The following SFXN1 variants were observed in gnomAD, a reference collection of about 807,000 sequenced individuals.
SFXN1 encodes the protein sideroflexin-1.
In SFXN1, 32 loss-of-function variants were observed where a neutral mutation model predicts 39.5. The ratio of observed to expected loss-of-function variants is 0.81; its 90% CI spans 0.61 to 1.09. SFXN1 has a LOEUF of 1.09. SFXN1 is among the 50% of genes least tolerant of loss of function. SFXN1 has a pLI of 0.00. For synonymous variants in SFXN1, 136 were observed against 146.5 expected (o/e 0.93, Z 0.52); for missense variants, 402 against 407.1 (o/e 0.99, Z 0.11).
chr5:175,508,144 G>A (rs1263249075), intron 2 of SFXN1, among the ~76,000 whole-genome samples: 1 of 150,316 alleles, frequency 6.7e-6, no homozygotes, highest in African/African-American at 2.5e-5. Context: ...TTTCAAAATT[G>A]AATGCTTTCC....
chr5:175,506,186 C>G (rs530412991), intron 2 of SFXN1, among the ~76,000 whole-genome samples: 1 of 152,298 alleles, frequency 6.6e-6, no homozygotes, highest in South Asian at 2.1e-4. Flanking sequence ...AACAACTATT[C>G]TGAGAATGCT....
intron 4 of SFXN1, among the ~76,000 whole-genome samples, chr5:175,511,043 G>A (rs1479905810): frequency 3.9e-5 from 6 of 152,146 alleles, no homozygotes; most frequent in East Asian, 1.9e-4. Flanking sequence ...TTTGCTTTCA[G>A]TGTGTATATT....
At position 175,492,088 on chromosome 5, in the gene SFXN1, T is replaced by C. The variant is rs1284063357; in HGVS notation, c.-9-7T>C. On this transcript the variant is annotated splice_region_variant and splice_polypyrimidine_tract_variant and intron_variant, in intron 1 of 10. Coordinates refer to ENST00000321442, the MANE Select transcript of SFXN1 (RefSeq NM_022754.7). ...TTACACGAACTTGCCTTTTTGACTC[T>C]TTGCAGTCCGGGACCATGTCTGGAG... 1 of 1,597,858 alleles carries C rather than the reference T, an allele frequency of 6.3e-7. No homozygotes were observed. The highest frequency in any genetic ancestry group is 8.5e-7 in the Non-Finnish European group (1 of 1,173,944).
In SFXN1 at chr5:175,521,838, G is replaced by C. The variant is rs1243638697; in HGVS notation, c.775-81G>C. 3.6e-6 allele frequency: 4 copies of C among 1,100,946 alleles called. No individual in the cohort carries two copies. In the East Asian group the frequency reaches 9.7e-5, roughly 27 times the overall value. 68.2% of individuals were successfully genotyped at this position (1,100,946 alleles called of 1,614,324 possible). Reference sequence around the variant, plus strand: ...ATCTGAATCTTGAAATGTGGTGAGAGGTTCCTTCCAGTTAATCAGAAGATA... The same window carrying C: ...ATCTGAATCTTGAAATGTGGTGAGACGTTCCTTCCAGTTAATCAGAAGATA... On this transcript the variant is annotated intron_variant, in intron 8 of 10. Coordinates refer to ENST00000321442, the MANE Select transcript of SFXN1 (RefSeq NM_022754.7).
At position 175,527,222 on chromosome 5, in the gene SFXN1, T is replaced by C. The variant is rs1761095021; in HGVS notation, c.*488T>C. On this transcript the variant is annotated 3_prime_UTR_variant, in exon 11 of 11. Transcript: ENST00000321442. ...TCTATAAAAACTTACCCTGAAATAT[T>C]AAGGGCAGTTTGCTTCTAGTTTGGG... 6.5e-6 allele frequency: 1 copy of C among 153,982 alleles called. No individual in the cohort carries two copies. Among genetic ancestry groups the C allele is most frequent in the Non-Finnish European group, 1.4e-5 (1 of 69,210 alleles). The allele number at this position is 153,982 out of a possible 1,614,324, so 9.5% of individuals were successfully genotyped here.
rs566224473 is a variant in SFXN1, at chr5:175,503,396, C to T, written c.165-5636C>T. Among the ~76,000 whole-genome samples, 3 of 152,178 alleles carry T rather than the reference C, an allele frequency of 2.0e-5. No homozygotes were observed. In the South Asian group the frequency reaches 6.2e-4, roughly 32 times the overall value. ...AATGCAAAAATCCAAAGTAAAACAC[C>T]AACACATAGCATCCAACCTTGTGTT... On this transcript the variant is annotated intron_variant, in intron 2 of 10. Coordinates refer to ENST00000321442, the MANE Select transcript of SFXN1 (RefSeq NM_022754.7).
chr5:175,522,127 T>C (rs1425583961), intron 9 of SFXN1, among the ~76,000 whole-genome samples, 159 bp downstream of exon 9: 2 of 152,202 alleles, frequency 1.3e-5, no homozygotes, highest in Non-Finnish European at 2.9e-5. Context: ...AAGTAAACTG[T>C]CTTTAGAGAA....
At chr5:175,503,213 T>C (rs1415490404) in intron 2 of SFXN1, among the ~76,000 whole-genome samples, 1 of 152,210 alleles carries the variant, frequency 6.6e-6, no homozygotes, top group Non-Finnish European at 1.5e-5. Flanking sequence ...TGGATGACTT[T>C]TATGGTATTT....
chr5:175,494,226 T>A (rs553012441), intron 2 of SFXN1, among the ~76,000 whole-genome samples: 85 of 152,294 alleles, frequency 5.6e-4, no homozygotes, highest in African/African-American at 2.0e-3. Flanking sequence ...ACATGGCAAT[T>A]TTTTTCCTTT....
intron 1 of SFXN1, among the ~76,000 whole-genome samples, chr5:175,480,350 G>A (rs540282753): frequency 6.6e-6 from 1 of 152,052 alleles, no homozygotes; most frequent in East Asian, 1.9e-4. Context: ...GCAGTGAGCC[G>A]AGATCGCGCC....
intron 2 of SFXN1, among the ~76,000 whole-genome samples, chr5:175,496,506 C>G (rs1046688937): frequency 6.6e-6 from 1 of 152,076 alleles, no homozygotes; most frequent in Non-Finnish European, 1.5e-5. Context: ...TGATTTTGCT[C>G]CTTACTATAT....
chr5:175,513,693 A>C, intron 7 of SFXN1, 103 bp downstream of exon 7: 4 of 1,280,742 alleles, frequency 3.1e-6, no homozygotes, highest in Non-Finnish European at 4.4e-6. Flanking sequence ...CTTAGTGGAA[A>C]TTGCCTTCCA....
At chr5:175,488,046 G>C (rs1282049348) in intron 1 of SFXN1, among the ~76,000 whole-genome samples, 1 of 152,122 alleles carries the variant, frequency 6.6e-6, no homozygotes, top group Non-Finnish European at 1.5e-5. Context: ...TCTCCCCACT[G>C]TCTGTTCTCC....
intron 10 of SFXN1, 22 bp from the exon 11 acceptor site, chr5:175,526,615 CT>C (rs1441498683): frequency 1.9e-6 from 3 of 1,601,100 alleles, no homozygotes; most frequent in Non-Finnish European, 2.6e-6. Flanking sequence ...TGTAATAACC[CT>C]GTCATTTCTC....
rs762615317 is a variant in SFXN1 at position 175,510,091 on chromosome 5, C to A, written c.336-18C>A. On this transcript the variant is annotated intron_variant, in intron 3 of 10. Coordinates refer to ENST00000321442, the MANE Select transcript of SFXN1 (RefSeq NM_022754.7). ...GGGCCCAGTGATGGTGGGTATGTGA[C>A]GGATGCCTCTGTTTTAGGACTACGC... is the stretch of plus-strand genomic sequence containing the variant. 2 of 1,601,928 alleles carry A rather than the reference C, an allele frequency of 1.2e-6. No individual in the cohort carries two copies. The highest frequency in any genetic ancestry group is 8.5e-7 in the Non-Finnish European group (1 of 1,172,710).
chr5:175,524,126 ATATATATAT>A (rs1481031751), intron 10 of SFXN1: 13 of 20,272 alleles, frequency 6.4e-4, no homozygotes, highest in South Asian at 6.5e-3. Flanking sequence ...AAAAAAAAAA[ATATATATAT>A]ATATATATAT....
At chr5:175,485,394 T>C (rs181569159) in intron 1 of SFXN1, among the ~76,000 whole-genome samples, 1 of 152,232 alleles carries the variant, frequency 6.6e-6, no homozygotes, top group African/African-American at 2.4e-5. Context: ...CCCTGCCCTT[T>C]CCAGCTGCTA....
intron 1 of SFXN1, among the ~76,000 whole-genome samples, chr5:175,480,211 C>T (rs949270108): frequency 1.3e-5 from 2 of 152,172 alleles, no homozygotes; most frequent in Non-Finnish European, 1.5e-5. Context: ...ACCATCCTGG[C>T]TAAGCCGGTG....
intron 6 of SFXN1, among the ~76,000 whole-genome samples, chr5:175,512,571 T>C (rs1328842143): frequency 2.0e-5 from 3 of 152,226 alleles, no homozygotes; most frequent in Non-Finnish European, 2.9e-5. Flanking sequence ...TCCTTTTTTT[T>C]CTCCAGAATT....
Sources: allele counts gnomAD v4.1 joint callset (sites outside exome capture counted in the v4.1 genomes callset), GRCh38; gene constraint gnomAD v4.1.1; transcripts MANE v1.5; gene names NCBI Gene and HGNC (gene_info 2026-07-23, HGNC 2026-07-21).